Variants in ZRANB1 observed in about 807,000 individuals in gnomAD.
ZRANB1 encodes ubiquitin thioesterase ZRANB1.
ZRANB1 carries 16 observed loss-of-function variants against 80.5 expected under a neutral mutation model. That is an observed-to-expected ratio of 0.20 (90% confidence interval 0.13 to 0.30). The LOEUF is 0.30. Among genes scored for constraint, ZRANB1 ranks in the 10% least tolerant of loss-of-function variants. ZRANB1 has a pLI of 1.00. For synonymous variants in ZRANB1, 291 were observed against 293.1 expected, an observed-to-expected ratio of 0.99 and a Z score of 0.07; for missense variants, 576 against 862.6, an observed-to-expected ratio of 0.67 and a Z score of 4.16.
At chr10:124,930,670 A>G in the ZRANB1 span, among the ~76,000 whole-genome samples, 1 of 152,206 alleles carries the variant, frequency 6.6e-6, no homozygotes, top group Non-Finnish European at 1.5e-5. Context: ...AAGATAATAA[A>G]TTATTAAAGG....
At chr10:124,979,857 A>G (rs1438325481) in intron 5 of ZRANB1, among the ~76,000 whole-genome samples, 1 of 152,178 alleles carries the variant, frequency 6.6e-6, no homozygotes, top group Non-Finnish European at 1.5e-5. Flanking sequence ...TGGACTCTTA[A>G]TATTTTTCTA....
chr10:124,986,285 G>GCACACACACA lies in ZRANB1; in HGVS notation c.*1294_*1295insACACACACAC, dbSNP rs1295268779. The GCACACACACA allele has an allele frequency of 2.4e-3, 136 of 57,834 alleles. 1 individual carries two copies. The highest frequency in any genetic ancestry group is 7.1e-3 in the African/African-American group (127 of 17,912). 3.6% of individuals were successfully genotyped at this position (57,834 alleles called of 1,614,324 possible). On this transcript the variant is annotated 3_prime_UTR_variant, in exon 9 of 9. Transcript: ENST00000359653. ...TTGGAAAGACGACACACGCACGCGC[G>GCACACACACA]CGCGCGCACACACACACACACACAC...
the ZRANB1 span, among the ~76,000 whole-genome samples, chr10:124,920,913 C>CAA: frequency 6.6e-6 from 1 of 151,962 alleles, no homozygotes; most frequent in South Asian, 2.1e-4. Context: ...CATGGTCTGA[C>CAA]AAAGTATTTT....
intron 5 of ZRANB1, 86 bp downstream of exon 5, chr10:124,974,484 T>C: frequency 7.3e-7 from 1 of 1,368,990 alleles, no homozygotes; most frequent in Admixed American, 1.9e-5. Context: ...TTTATGTCAG[T>C]TATATTTTCT....
chr10:124,984,759 A>C lies in ZRANB1; in HGVS notation c.1909-15A>C. The C allele has an allele frequency of 1.2e-6, 2 of 1,610,660 alleles. No individual in the cohort carries two copies. The highest frequency in any genetic ancestry group is 2.2e-5 in the South Asian group (2 of 90,842). ...GTTGTATGATTTTCCCTTTGTCTTC[A>C]TATTCCTCCAAAAGCTAGGTAATGA... On this transcript the variant is annotated splice_polypyrimidine_tract_variant and intron_variant, in intron 8 of 8. Transcript: ENST00000359653.
At chr10:124,922,326 G>GTAAAATATATATATA in the ZRANB1 span, among the ~76,000 whole-genome samples, 4 of 25,656 alleles carry the variant, frequency 1.6e-4, no homozygotes, top group Admixed American at 9.8e-4. Flanking sequence ...TAAAATATAT[G>GTAAAATATATATATA]TATATATATA....
At chr10:124,949,071 T>C (rs1205423150) in intron 1 of ZRANB1, among the ~76,000 whole-genome samples, 1 of 152,190 alleles carries the variant, frequency 6.6e-6, no homozygotes, top group Non-Finnish European at 1.5e-5. Flanking sequence ...GGAAAGGGTA[T>C]AGAGGCTTCA....
chr10:124,983,164 G>A lies in ZRANB1; in HGVS notation c.1549-11G>A, dbSNP rs372811857. ...AATAAATGTTTTAAGTTTTTGTTTT[G>A]TTTCGTACAGCCTGGAGCAAGCTTG... On this transcript the variant is annotated splice_polypyrimidine_tract_variant and intron_variant, in intron 6 of 8. Coordinates refer to ENST00000359653, the MANE Select transcript of ZRANB1 (RefSeq NM_017580.3). The surrounding 1 kb of genome is among the most constrained non-coding windows in gnomAD (Gnocchi z 6.2). 6 of 1,601,060 alleles carry A rather than the reference G, an allele frequency of 3.7e-6. No individual in the cohort carries two copies. The African/African-American group carries it at 4.1e-5, about 11-fold the overall frequency.
intron 1 of ZRANB1, among the ~76,000 whole-genome samples, chr10:124,962,903 T>C (rs1170033306): frequency 6.6e-6 from 1 of 152,164 alleles, no homozygotes; most frequent in East Asian, 1.9e-4. Context: ...CTTTTATTTG[T>C]CTTCATGAAG....
chr10:124,922,492 ATT>A, the ZRANB1 span, among the ~76,000 whole-genome samples: 60 of 132,060 alleles, frequency 4.5e-4, no homozygotes, highest in Middle Eastern at 3.9e-3. Context: ...CACCTGGCTA[ATT>A]TTTTTTTTTT....
intron 5 of ZRANB1, among the ~76,000 whole-genome samples, chr10:124,978,393 A>C (rs1172233477): frequency 2.0e-5 from 3 of 152,190 alleles, no homozygotes; most frequent in African/African-American, 7.2e-5. Flanking sequence ...GAACTGAGAA[A>C]GCAATTTTCT....
intron 5 of ZRANB1, among the ~76,000 whole-genome samples, chr10:124,979,709 A>G (rs1951916120): frequency 6.6e-6 from 1 of 152,166 alleles, no homozygotes; most frequent in African/African-American, 2.4e-5. Flanking sequence ...TTAAAGTGTG[A>G]GATGTCCTAA....
intron 5 of ZRANB1, among the ~76,000 whole-genome samples, chr10:124,977,269 C>T (rs570574840): frequency 6.7e-6 from 1 of 150,000 alleles, no homozygotes; most frequent in Non-Finnish European, 1.5e-5. Flanking sequence ...TACTACTGCA[C>T]CTGGCCTTTT....
rs979110826 is a variant in ZRANB1, at chr10:124,986,691, A to C, written c.*1699A>C. The C allele has an allele frequency of 6.6e-6, 1 of 152,200 alleles. No homozygotes were observed. Among genetic ancestry groups the C allele is most frequent in the Non-Finnish European group, 1.5e-5 (1 of 68,044 alleles). 9.4% of individuals were successfully genotyped at this position (152,200 alleles called of 1,614,324 possible). A position where few individuals can be genotyped will look rare whatever the true frequency, so the allele number is the denominator to read the frequency against. On this transcript the variant is annotated 3_prime_UTR_variant, in exon 9 of 9. Coordinates refer to ENST00000359653, the MANE Select transcript of ZRANB1 (RefSeq NM_017580.3). Reference sequence around the variant, plus strand: ...TTTCATTTTGGCCAATAAGTAATCAAGTTTGTAGAAAATGTTAGCATTCTG... The same window carrying C: ...TTTCATTTTGGCCAATAAGTAATCACGTTTGTAGAAAATGTTAGCATTCTG...
intron 2 of ZRANB1, among the ~76,000 whole-genome samples, chr10:124,969,557 T>C (rs998908303): frequency 6.6e-6 from 1 of 152,154 alleles, no homozygotes; most frequent in Non-Finnish European, 1.5e-5. Context: ...TCATGGACCA[T>C]GTTGGTAGTT....
chr10:124,957,199 C>G (rs1240568870), intron 1 of ZRANB1, among the ~76,000 whole-genome samples: 1 of 150,410 alleles, frequency 6.6e-6, no homozygotes, highest in African/African-American at 2.4e-5. Context: ...TCATGATTGA[C>G]ATTTTTGAAG....
At chr10:124,949,368 A>G (rs1951612080) in intron 1 of ZRANB1, among the ~76,000 whole-genome samples, 1 of 151,956 alleles carries the variant, frequency 6.6e-6, no homozygotes, top group Non-Finnish European at 1.5e-5. Flanking sequence ...ATAGGGGGAA[A>G]AAAATCAAAC....
Position 124,974,409 on chromosome 10 carries a change from A to G in ZRANB1, c.1427+11A>G, listed in dbSNP as rs1951855973. ...TGACTGTTCACATTGGTGAGCTGGCATTCTGCCCTGTTTCAACCCAGGAGT... is the reference window on the plus strand; with the variant it reads ...TGACTGTTCACATTGGTGAGCTGGCGTTCTGCCCTGTTTCAACCCAGGAGT... On this transcript the variant is annotated intron_variant, in intron 5 of 8. Transcript: ENST00000359653. 2 of 1,614,058 alleles carry G rather than the reference A, an allele frequency of 1.2e-6. No individual in the cohort carries two copies. The highest frequency in any genetic ancestry group is 1.3e-5 in the African/African-American group (1 of 74,948).
chr10:124,931,432 G>A, the ZRANB1 span, among the ~76,000 whole-genome samples: 2 of 152,118 alleles, frequency 1.3e-5, no homozygotes, highest in East Asian at 3.9e-4. Context: ...GTGCAGTAGT[G>A]TGGTCTCGGC....
Sources: allele counts gnomAD v4.1 joint callset (sites outside exome capture counted in the v4.1 genomes callset), GRCh38; gene constraint gnomAD v4.1.1; non-coding constraint Gnocchi (gnomAD v3.1); transcripts MANE v1.5; gene names NCBI Gene and HGNC (gene_info 2026-07-23, HGNC 2026-07-21).